Variants in TNKS observed in about 807,000 individuals in gnomAD.
The protein encoded by TNKS is tankyrase.
Under a neutral mutation model 135.8 loss-of-function variants are expected in TNKS, and 72 were observed. The ratio of observed to expected loss-of-function variants is 0.53; its 90% CI spans 0.44 to 0.64. The LOEUF is 0.64. Among genes scored for constraint, TNKS ranks in the 30% least tolerant of loss-of-function variants. The pLI is 0.00. For missense variants in TNKS, 1,769 were observed against 1,674.0 expected (o/e 1.06, Z -0.99); for synonymous variants, 849 against 649.3 (o/e 1.31, Z -4.68).
At chr8:9,748,516 C>G (rs1806359491) in intron 18 of TNKS, among the ~76,000 whole-genome samples, 3 of 152,090 alleles carry the variant, frequency 2.0e-5, no homozygotes, top group Admixed American at 6.5e-5. Flanking sequence ...CTTGTACCTT[C>G]TATATTTGGC....
intron 2 of TNKS, among the ~76,000 whole-genome samples, chr8:9,591,812 C>A (rs906408514): frequency 2.0e-5 from 3 of 152,004 alleles, no homozygotes; most frequent in Non-Finnish European, 2.9e-5. Flanking sequence ...GTTTCATCAG[C>A]GTTGGAATAA....
chr8:9,760,291 G>T (rs1376847973), intron 20 of TNKS, among the ~76,000 whole-genome samples: 2 of 152,222 alleles, frequency 1.3e-5, no homozygotes, highest in Non-Finnish European at 2.9e-5. Context: ...GATGTGAATT[G>T]CCCGCTTTGT....
intron 22 of TNKS, among the ~76,000 whole-genome samples, chr8:9,763,581 C>A (rs1807263981): frequency 6.6e-6 from 1 of 152,174 alleles, no homozygotes; most frequent in Admixed American, 6.5e-5. Flanking sequence ...AAAACTCTTG[C>A]CTCATAGAGA....
At chr8:9,572,488 T>C (rs1023118552) in intron 1 of TNKS, among the ~76,000 whole-genome samples, 8 of 152,234 alleles carry the variant, frequency 5.3e-5, no homozygotes, top group African/African-American at 1.7e-4. Context: ...CCATCCTCTA[T>C]CTCTCTTACG....
chr8:9,612,780 A>G (rs929820380), intron 2 of TNKS, among the ~76,000 whole-genome samples: 5 of 152,176 alleles, frequency 3.3e-5, no homozygotes, highest in South Asian at 2.1e-4. Context: ...ATTCGAATGT[A>G]ACTTTCTCCC....
At chr8:9,676,237 T>C (rs533102065) in intron 3 of TNKS, among the ~76,000 whole-genome samples, 2 of 152,180 alleles carry the variant, frequency 1.3e-5, no homozygotes, top group Non-Finnish European at 2.9e-5. Context: ...AGTCTCGAAC[T>C]CCTGACCTCA....
Position 9,680,836 on chromosome 8 carries a change from A to G in TNKS, c.1107+36A>G, listed in dbSNP as rs192458905. The G allele has an allele frequency of 2.2e-4, 341 of 1,556,896 alleles. 5 individuals carry two copies. In the Admixed American group the frequency reaches 5.1e-3, roughly 23 times the overall value. ...TTAAATACAATCCTCTTTAATTGCA[A>G]TGCTTCAAAATTTTGTGAATGTGGC... On this transcript the variant is annotated intron_variant, in intron 5 of 26. Coordinates refer to ENST00000310430, the MANE Select transcript of TNKS (RefSeq NM_003747.3).
At position 9,556,150 on chromosome 8, in the gene TNKS, A is replaced by G. The variant is rs2129048225; in HGVS notation, c.211A>G (p.Ser71Gly). 6.2e-7 allele frequency: 1 copy of G among 1,608,754 alleles called. No individual in the cohort carries two copies. The highest frequency in any genetic ancestry group is 1.7e-4 in the Middle Eastern group (1 of 6,036). The stretch of plus-strand genomic sequence containing the variant: ...CCTAGCGCTGCCGGAGGGGGATGGC[A>G]GTCGGGATCCGCCCGACAGGCCCCG... ...HGLALPEGDG[S>G]RDPPDRPRSP... The change falls in exon 1 of 27, where the codon AGT becomes GGT. Residue 71 changes from serine (S) to glycine (G), a missense_variant. Coordinates refer to ENST00000310430, the MANE Select transcript of TNKS (RefSeq NM_003747.3).
chr8:9,742,483 C>T (rs1434453936), intron 17 of TNKS, among the ~76,000 whole-genome samples: 1 of 151,522 alleles, frequency 6.6e-6, no homozygotes, highest in African/African-American at 2.4e-5. Flanking sequence ...TTATTTTATG[C>T]CACTTGTAAA....
rs147687393 is a variant in TNKS, at chr8:9,725,728, A to G, written c.1922-913A>G. Among the ~76,000 whole-genome samples, 396 of 152,356 alleles carry G rather than the reference A, an allele frequency of 2.6e-3. 14 individuals carry two copies. The East Asian group carries it at 0.068, about 26-fold the overall frequency. On this transcript the variant is annotated intron_variant, in intron 12 of 26. Coordinates refer to ENST00000310430, the MANE Select transcript of TNKS (RefSeq NM_003747.3). ...GAGATCCATCCTTTTGTGTTAACAT[A>G]ATGTGTGCTCATTCTAAAAGCCACA...
intron 1 of TNKS, 34 bp downstream of exon 1, chr8:9,556,646 T>C: frequency 6.2e-7 from 1 of 1,610,636 alleles, no homozygotes. Context: ...TTAAGGGTTA[T>C]GGGTTTGGGT....
chr8:9,775,842 T>C (rs576154028), intron 26 of TNKS, among the ~76,000 whole-genome samples: 1 of 152,242 alleles, frequency 6.6e-6, no homozygotes, highest in African/African-American at 2.4e-5. Flanking sequence ...TCTGAACTAC[T>C]GAATCTAGTT....
At chr8:9,729,997 G>A (rs947891741) in intron 13 of TNKS, among the ~76,000 whole-genome samples, 2 of 151,940 alleles carry the variant, frequency 1.3e-5, no homozygotes, top group African/African-American at 2.4e-5. Flanking sequence ...GGATGGTCTC[G>A]ATCTCTTGAC....
chr8:9,766,973 C>G (rs1233644308), intron 25 of TNKS, among the ~76,000 whole-genome samples: 2 of 152,200 alleles, frequency 1.3e-5, no homozygotes, highest in African/African-American at 4.8e-5. Flanking sequence ...TATGATAAAA[C>G]TCCCTGCATC....
chr8:9,667,409 C>T (rs915799893), intron 3 of TNKS, among the ~76,000 whole-genome samples: 4 of 152,178 alleles, frequency 2.6e-5, no homozygotes, highest in Non-Finnish European at 4.4e-5. Flanking sequence ...TTGCTCTTAT[C>T]GGGATGCTTG....
At chr8:9,643,638 G>A (rs1421528513) in intron 3 of TNKS, among the ~76,000 whole-genome samples, 2 of 152,162 alleles carry the variant, frequency 1.3e-5, no homozygotes, top group African/African-American at 4.8e-5. Flanking sequence ...TGGCAAGGAT[G>A]AGGTGAAATT....
intron 3 of TNKS, among the ~76,000 whole-genome samples, chr8:9,619,316 T>A (rs955112139): frequency 6.6e-6 from 1 of 152,156 alleles, no homozygotes; most frequent in African/African-American, 2.4e-5. Flanking sequence ...GGGTCTTTGT[T>A]AATTATGTGA....
chr8:9,627,540 ATTGCTTGCTTGCTTGCTTGC>A (rs36130596), intron 3 of TNKS, among the ~76,000 whole-genome samples: 14 of 148,342 alleles, frequency 9.4e-5, no homozygotes, highest in African/African-American at 2.0e-4. Context: ...CTGTGGCAAA[ATTGCTTGCTTGCTTGCTTGC>A]TTGCTTGCTT....
At chr8:9,702,124 A>G (rs900733629) in intron 5 of TNKS, among the ~76,000 whole-genome samples, 2 of 152,204 alleles carry the variant, frequency 1.3e-5, no homozygotes, top group African/African-American at 4.8e-5. Context: ...GCAAGCTTTG[A>G]AATTAACCTA....
Sources: allele counts gnomAD v4.1 joint callset (sites outside exome capture counted in the v4.1 genomes callset), GRCh38; gene constraint gnomAD v4.1.1; transcripts MANE v1.5; gene names NCBI Gene and HGNC (gene_info 2026-07-23, HGNC 2026-07-21).